PALM2AKAP2: variants seen among roughly 807,000 people sequenced by gnomAD.
PALM2AKAP2 encodes the protein PALM2 and AKAP2 fusion, also known as PALM2-AKAP2 fusion protein.
In PALM2AKAP2, 37 loss-of-function variants were observed where a neutral mutation model predicts 71.5. The ratio of observed to expected loss-of-function variants is 0.52; its 90% CI spans 0.40 to 0.68. PALM2AKAP2 has a LOEUF of 0.68. Ranked by LOEUF, PALM2AKAP2 falls within the 30% of genes least tolerant of loss-of-function variation. The probability of loss-of-function intolerance (pLI) is 0.00; values close to 1 mark genes in which losing one functional copy is unlikely to be tolerated. For synonymous variants in PALM2AKAP2, 468 were observed against 478.8 expected, an observed-to-expected ratio of 0.98 and a Z score of 0.29; for missense variants, 1,224 against 1,191.8, an observed-to-expected ratio of 1.03 and a Z score of -0.40.
At chr9:109,883,576 A>G (rs974459371) in intron 3 of PALM2AKAP2, among the ~76,000 whole-genome samples, 2 of 152,146 alleles carry the variant, frequency 1.3e-5, no homozygotes, top group African/African-American at 2.4e-5. Flanking sequence ...CTCTACCACA[A>G]TGGTTATTAG....
chr9:109,855,112 C>T (rs1298112526), intron 1 of PALM2AKAP2, among the ~76,000 whole-genome samples: 1 of 151,060 alleles, frequency 6.6e-6, no homozygotes, highest in Non-Finnish European at 1.5e-5. Flanking sequence ...CTCACTGTGT[C>T]CCCAGGCTGG....
chr9:110,021,182 C>T (rs578141812), intron 7 of PALM2AKAP2, among the ~76,000 whole-genome samples: 129 of 152,220 alleles, frequency 8.5e-4, no homozygotes, highest in Non-Finnish European at 1.4e-3. Context: ...TGACACATGT[C>T]CTTATAAGAG....
chr9:109,918,656 G>A (rs1445093444), intron 3 of PALM2AKAP2, among the ~76,000 whole-genome samples: 1 of 152,232 alleles, frequency 6.6e-6, no homozygotes, highest in African/African-American at 2.4e-5. Context: ...TGGGATGACT[G>A]TTGTTAACCC....
Position 109,867,684 on chromosome 9 carries a change from T to A in PALM2AKAP2, c.126+113T>A, listed in dbSNP as rs565489330. 6.8e-5 allele frequency: 82 copies of A among 1,210,532 alleles called. No individual in the cohort carries two copies. The African/African-American group carries it at 1.1e-3, about 17-fold the overall frequency. 75.0% of individuals were successfully genotyped at this position (1,210,532 alleles called of 1,614,324 possible). Reference sequence around the variant, plus strand: ...GGCGCTGCCGCCAACCAAACCAGCCTTTTTCATTCAATCAGGAAACCATCT... The same window carrying A: ...GGCGCTGCCGCCAACCAAACCAGCCATTTTCATTCAATCAGGAAACCATCT... On this transcript the variant is annotated intron_variant, in intron 2 of 9. Transcript: ENST00000302798.
intron 6 of PALM2AKAP2, among the ~76,000 whole-genome samples, chr9:109,991,897 T>C (rs1040821094): frequency 5.3e-5 from 8 of 152,280 alleles, no homozygotes; most frequent in South Asian, 2.1e-4. Context: ...CAGAAGACCA[T>C]GCTAGGACCA....
chr9:109,964,078 A>G (rs1449699035), intron 6 of PALM2AKAP2, among the ~76,000 whole-genome samples: 1 of 152,264 alleles, frequency 6.6e-6, no homozygotes, highest in African/African-American at 2.4e-5. Flanking sequence ...TATATTTGCC[A>G]ACTTAGTAAG....
At chr9:109,875,200 C>T (rs1037038988) in intron 2 of PALM2AKAP2, among the ~76,000 whole-genome samples, 1 of 152,192 alleles carries the variant, frequency 6.6e-6, no homozygotes, top group Admixed American at 6.5e-5. Context: ...CAGGCTGGTA[C>T]ATTTGCCAGT....
chr9:109,758,999 T>C (rs1340181442), intron 1 of PALM2AKAP2, among the ~76,000 whole-genome samples: 2 of 152,134 alleles, frequency 1.3e-5, no homozygotes, highest in South Asian at 2.1e-4. Context: ...TTCTGTGAGC[T>C]ATTTCGTTCC....
intron 7 of PALM2AKAP2, chr9:110,024,786 T>TA (rs77237793): frequency 0.018 from 9,797 of 553,408 alleles, no homozygotes; most frequent in Middle Eastern, 0.022. Context: ...GACCCTGTCT[T>TA]AAAAAAAAAA....
chr9:110,133,440 G>A (rs1835778409), intron 1 of PALM2AKAP2, among the ~76,000 whole-genome samples: 1 of 152,030 alleles, frequency 6.6e-6, no homozygotes, highest in Non-Finnish European at 1.5e-5. Flanking sequence ...TATTGTTGCT[G>A]CTAATTTCAT....
At chr9:109,974,040 G>C (rs1303153952) in intron 6 of PALM2AKAP2, among the ~76,000 whole-genome samples, 5 of 152,228 alleles carry the variant, frequency 3.3e-5, no homozygotes, top group Admixed American at 6.5e-5. Context: ...AGGCAGACAG[G>C]ACACATGTAA....
chr9:109,884,636 G>T (rs116720498), intron 3 of PALM2AKAP2, among the ~76,000 whole-genome samples: 1 of 152,080 alleles, frequency 6.6e-6, no homozygotes. Flanking sequence ...TTAAATAAAG[G>T]CATTTTAAGG....
At chr9:109,985,903 G>A (rs1832368681) in intron 6 of PALM2AKAP2, among the ~76,000 whole-genome samples, 1 of 152,056 alleles carries the variant, frequency 6.6e-6, no homozygotes, top group Non-Finnish European at 1.5e-5. Context: ...CCCCACCTTG[G>A]CCTCCCAAAG....
At chr9:109,839,573 T>C (rs757869348) in intron 1 of PALM2AKAP2, among the ~76,000 whole-genome samples, 5 of 152,124 alleles carry the variant, frequency 3.3e-5, no homozygotes, top group Admixed American at 6.5e-5. Context: ...GGGTATTCAA[T>C]TAGGAAAAGA....
intron 6 of PALM2AKAP2, among the ~76,000 whole-genome samples, chr9:109,983,659 G>T: frequency 6.6e-6 from 1 of 152,134 alleles, no homozygotes; most frequent in Non-Finnish European, 1.5e-5. Flanking sequence ...GAGGCTAGGA[G>T]TTCGAGACCA....
chr9:109,691,891 T>TATACAC (rs1554706671), intron 1 of PALM2AKAP2, among the ~76,000 whole-genome samples: 4 of 69,358 alleles, frequency 5.8e-5, no homozygotes, highest in African/African-American at 1.7e-4. Context: ...CATATATATA[T>TATACAC]ATATATATAT....
At position 109,933,730 on chromosome 9, in the gene PALM2AKAP2, A is replaced by T. The variant is rs548499139; in HGVS notation, c.496+1702A>T. Among the ~76,000 whole-genome samples, 14 of 152,354 alleles carry T rather than the reference A, an allele frequency of 9.2e-5. No homozygotes were observed. In the South Asian group the frequency reaches 2.9e-3, roughly 32 times the overall value. On this transcript the variant is annotated intron_variant, in intron 6 of 9. Transcript: ENST00000302798. ...AGAATCTTTTTCAAAGTAATTTTAC[A>T]TATGTTTCTGCTGATTAGTTAAGAG...
intron 5 of PALM2AKAP2, among the ~76,000 whole-genome samples, chr9:109,929,020 G>T (rs991971176): frequency 9.2e-5 from 14 of 152,226 alleles, no homozygotes; most frequent in African/African-American, 3.4e-4. Flanking sequence ...AAGTGCTGTA[G>T]ACTTCAAGCT....
intron 3 of PALM2AKAP2, among the ~76,000 whole-genome samples, chr9:109,909,102 G>A (rs541936749): frequency 6.6e-6 from 1 of 151,326 alleles, no homozygotes; most frequent in African/African-American, 2.4e-5. Flanking sequence ...TTTTATTTAG[G>A]TGAGAATAAA....
Sources: gnomAD v4.1 joint callset for allele counts (sites outside exome capture counted in the v4.1 genomes callset) on GRCh38, gnomAD v4.1.1 for gene constraint, MANE v1.5 for transcripts, NCBI Gene and HGNC (gene_info 2026-07-23, HGNC 2026-07-21) for gene names.